DIAPH1: variants seen among roughly 807,000 people sequenced by gnomAD.
DIAPH1 encodes the protein protein diaphanous homolog 1.
A neutral mutation model predicts 140.7 loss-of-function variants in DIAPH1; 46 were observed. The observed-to-expected ratio is 0.33, with a 90% CI of 0.26 to 0.42. DIAPH1 has a LOEUF of 0.42. Among genes scored for constraint, DIAPH1 ranks in the 10% least tolerant of loss-of-function variants. DIAPH1 has a pLI of 1.00. For synonymous variants in DIAPH1, 565 were observed against 551.6 expected (o/e 1.02, Z -0.34); for missense variants, 1,310 against 1,558.7 (o/e 0.84, Z 2.69).
intron 18 of DIAPH1, 31 bp downstream of exon 18, chr5:141,571,397 A>C: frequency 3.8e-6 from 6 of 1,584,470 alleles, no homozygotes; most frequent in Non-Finnish European, 5.2e-6. Context: ...TATTCAAGAG[A>C]CCAAACTAAA....
At chr5:141,588,414 T>G (rs1364868825) in intron 1 of DIAPH1, among the ~76,000 whole-genome samples, 164 bp from the exon 2 acceptor site, 1 of 151,010 alleles carries the variant, frequency 6.6e-6, no homozygotes, top group Non-Finnish European at 1.5e-5. Flanking sequence ...CCTTAGCACA[T>G]TCCCTCAAGT....
At chr5:141,562,661 C>A (rs2099893772) in intron 18 of DIAPH1, among the ~76,000 whole-genome samples, 2 of 150,718 alleles carry the variant, frequency 1.3e-5, no homozygotes, top group Non-Finnish European at 3.0e-5. Flanking sequence ...GAAAGAAAAG[C>A]CCCAGAGGAA....
At chr5:141,553,421 C>A (rs2099892054) in intron 18 of DIAPH1, among the ~76,000 whole-genome samples, 1 of 152,092 alleles carries the variant, frequency 6.6e-6, no homozygotes, top group Non-Finnish European at 1.5e-5. Flanking sequence ...AGGTGGATCA[C>A]CTGAGGTCAG....
chr5:141,518,582 G>T, intron 27 of DIAPH1: 1 of 198,566 alleles, frequency 5.0e-6, no homozygotes, highest in Non-Finnish European at 1.0e-5. Flanking sequence ...GAGTGCAGCA[G>T]CGCAATCACA....
intron 18 of DIAPH1, among the ~76,000 whole-genome samples, chr5:141,548,788 C>T (rs2099891223): frequency 6.6e-6 from 1 of 151,880 alleles, no homozygotes; most frequent in African/African-American, 2.4e-5. Context: ...GCCTGGGTGA[C>T]AAAGTGAGAC....
intron 18 of DIAPH1, among the ~76,000 whole-genome samples, chr5:141,555,411 CA>C (rs1232711021): frequency 2.0e-5 from 3 of 152,208 alleles, no homozygotes; most frequent in African/African-American, 7.2e-5. Context: ...GCAGTAAAGA[CA>C]GGCAGTCAAA....
intron 18 of DIAPH1, among the ~76,000 whole-genome samples, chr5:141,546,203 G>A (rs1053333748): frequency 1.2e-4 from 19 of 152,066 alleles, no homozygotes; most frequent in African/African-American, 3.4e-4. Flanking sequence ...CCAACATGGC[G>A]AAACCCTGTC....
At chr5:141,536,485 C>T (rs1037300496) in intron 18 of DIAPH1, among the ~76,000 whole-genome samples, 2 of 152,100 alleles carry the variant, frequency 1.3e-5, no homozygotes, top group South Asian at 2.1e-4. Flanking sequence ...ATGGAACTTA[C>T]GTCCTAACAA....
At position 141,575,005 on chromosome 5, in the gene DIAPH1, G is replaced by C; in HGVS notation, c.1603C>G (p.Gln535Glu). 1 of 1,614,146 alleles carries C rather than the reference G, an allele frequency of 6.2e-7. No homozygotes were observed. Among genetic ancestry groups the C allele is most frequent in the Non-Finnish European group, 8.5e-7 (1 of 1,180,016 alleles). ...TGGGACACCTCTGCTTCCAGGTCCT[G>C]TTTCTCTGTGGCAATTTGCTGCTTT... ...SEKQQIATEKQDLEAEVSQLT... is the reference protein window; with the variant it reads ...SEKQQIATEKEDLEAEVSQLT... Residue 535 changes from glutamine to glutamate, a missense_variant, in exon 15 of 28, where the codon CAG becomes GAG. Gln to Glu is a conservative substitution (Grantham distance 29, BLOSUM62 2). Around this residue, in one of 3 missense-constraint regions of DIAPH1, gnomAD observed 589 missense variants for 549.3 expected, o/e 1.07. Transcript: ENST00000389054.
rs558099139 is a variant in DIAPH1, at chr5:141,596,250, T to C, written c.118-8000A>G. ...CGGGAGGCTGAGGCAGGAGAATCACTTGAACCCGGGAGGCAGAGGTTGCAG... is the reference window on the plus strand; with the variant it reads ...CGGGAGGCTGAGGCAGGAGAATCACCTGAACCCGGGAGGCAGAGGTTGCAG... On this transcript the variant is annotated intron_variant, in intron 1 of 27. Coordinates refer to ENST00000389054, the MANE Select transcript of DIAPH1 (RefSeq NM_005219.5). 3.0e-4 allele frequency among the ~76,000 whole-genome samples: 45 copies of C among 152,172 alleles called. No individual in the cohort carries two copies. The East Asian group carries it at 7.9e-3, about 27-fold the overall frequency.
chr5:141,524,514 A>G (rs2099887012), intron 26 of DIAPH1: 1 of 465,414 alleles, frequency 2.1e-6, no homozygotes, highest in Admixed American at 3.4e-5. Context: ...AGGACTAGCA[A>G]CAAAATTATA....
At chr5:141,558,666 A>G (rs1023341354) in intron 18 of DIAPH1, among the ~76,000 whole-genome samples, 8 of 152,128 alleles carry the variant, frequency 5.3e-5, no homozygotes, top group Non-Finnish European at 1.0e-4. Context: ...TACCTATTCT[A>G]CAGGGAACAC....
chr5:141,615,859 G>A (rs549941833), intron 1 of DIAPH1, among the ~76,000 whole-genome samples: 4 of 152,178 alleles, frequency 2.6e-5, no homozygotes, highest in African/African-American at 9.7e-5. Context: ...TCTATTAAAT[G>A]TAAGAATACT....
At chr5:141,611,905 A>G (rs1471309652) in intron 1 of DIAPH1, among the ~76,000 whole-genome samples, 1 of 152,096 alleles carries the variant, frequency 6.6e-6, no homozygotes, top group Non-Finnish European at 1.5e-5. Flanking sequence ...CATCTCTACT[A>G]AAAATACAAA....
At position 141,518,929 on chromosome 5, in the gene DIAPH1, A is replaced by G. The variant is rs752539993; in HGVS notation, c.3662-1921T>C. On this transcript the variant is annotated intron_variant, in intron 27 of 27. Coordinates refer to ENST00000389054, the MANE Select transcript of DIAPH1 (RefSeq NM_005219.5). The stretch of plus-strand genomic sequence containing the variant: ...ATAGATCAAGCAGGGAACACGCAGC[A>G]TGCACACAGGTTACCAATTTAAAGG... 7.1e-6 allele frequency: 11 copies of G among 1,550,470 alleles called. No homozygotes were observed. In the South Asian group the frequency reaches 1.3e-4, roughly 18 times the overall value.
intron 19 of DIAPH1, among the ~76,000 whole-genome samples, chr5:141,532,080 C>T (rs1054759798): frequency 1.3e-5 from 2 of 152,234 alleles, no homozygotes; most frequent in Non-Finnish European, 2.9e-5. Context: ...TACTCAACTA[C>T]TTGCAGTTCC....
chr5:141,539,064 C>T (rs897443673), intron 18 of DIAPH1, among the ~76,000 whole-genome samples: 3 of 151,686 alleles, frequency 2.0e-5, no homozygotes, highest in Non-Finnish European at 4.4e-5. Context: ...CACTTGAGGC[C>T]AGGAATTCGA....
chr5:141,553,165 G>A (rs375066402), intron 18 of DIAPH1, among the ~76,000 whole-genome samples: 23 of 152,188 alleles, frequency 1.5e-4, no homozygotes, highest in African/African-American at 4.1e-4. Context: ...CATGGCACAC[G>A]CCTGTAACCC....
intron 18 of DIAPH1, among the ~76,000 whole-genome samples, chr5:141,569,724 G>C (rs1221107437): frequency 1.3e-5 from 2 of 152,120 alleles, no homozygotes; most frequent in South Asian, 2.1e-4. Flanking sequence ...TCGCGCCAGT[G>C]CACTCCAGCC....
Sources: gnomAD v4.1 joint callset for allele counts (sites outside exome capture counted in the v4.1 genomes callset) on GRCh38, gnomAD v4.1.1 for gene constraint, gnomAD v4.1.1 regional missense constraint, MANE v1.5 for transcripts, NCBI Gene and HGNC (gene_info 2026-07-23, HGNC 2026-07-21) for gene names.